The following LARS2 variants were observed in gnomAD, a reference collection of about 807,000 sequenced individuals.
The protein encoded by LARS2 is leucyl-tRNA synthetase 2, mitochondrial, also known as leucine--tRNA ligase, mitochondrial.
Under a neutral mutation model 116.6 loss-of-function variants are expected in LARS2, and 81 were observed. That is an observed-to-expected ratio of 0.69 (90% confidence interval 0.58 to 0.84). LARS2 has a LOEUF of 0.84. Ranked by LOEUF, LARS2 falls within the 40% of genes least tolerant of loss-of-function variation. The probability of loss-of-function intolerance (pLI) is 0.00; values close to 1 mark genes in which losing one functional copy is unlikely to be tolerated. For synonymous variants in LARS2, 396 were observed against 407.2 expected (o/e 0.97, Z 0.33); for missense variants, 968 against 1,114.5 (o/e 0.87, Z 1.87).
chr3:45,541,957 G>A lies in LARS2; in HGVS notation c.2532+1G>A. On this transcript the variant is annotated splice_donor_variant, in intron 21 of 21. Transcript: ENST00000645846. LOFTEE classifies it high-confidence loss of function. The stretch of plus-strand genomic sequence containing the variant: ...TGAGGTTGTCCAGATGGCAGTTCTG[G>A]TAAGTATCTCCCCTCAACCCCAGAA... 6.2e-7 allele frequency: 1 copy of A among 1,614,156 alleles called. No homozygotes were observed. Among genetic ancestry groups the A allele is most frequent in the Non-Finnish European group, 8.5e-7 (1 of 1,180,000 alleles).
intron 8 of LARS2, among the ~76,000 whole-genome samples, chr3:45,462,246 G>A (rs953153218): frequency 3.9e-5 from 6 of 152,092 alleles, no homozygotes; most frequent in Non-Finnish European, 5.9e-5. Flanking sequence ...ACCTTAAGGC[G>A]AGATGGTTGC....
At position 45,467,897 on chromosome 3, in the gene LARS2, G is replaced by C. The variant is rs1028452546; in HGVS notation, c.751-6346G>C. ...AGCCCAGGAGTTCAAGACCAGCCTGGGCAACTGGCAAACCTCATCTCTACA... is the reference window on the plus strand; with the variant it reads ...AGCCCAGGAGTTCAAGACCAGCCTGCGCAACTGGCAAACCTCATCTCTACA... On this transcript the variant is annotated intron_variant, in intron 8 of 21. Coordinates refer to ENST00000645846, the MANE Select transcript of LARS2 (RefSeq NM_015340.4). Among the ~76,000 whole-genome samples the C allele has an allele frequency of 1.2e-4, 19 of 152,110 alleles. No individual in the cohort carries two copies. In the South Asian group the frequency reaches 4.0e-3, roughly 32 times the overall value.
At chr3:45,424,478 A>G (rs368736186) in intron 6 of LARS2, among the ~76,000 whole-genome samples, 3 of 152,236 alleles carry the variant, frequency 2.0e-5, no homozygotes, top group Non-Finnish European at 4.4e-5. Flanking sequence ...ACCATTGTAC[A>G]TCACGGACTA....
At chr3:45,493,017 T>C (rs951584513) in intron 13 of LARS2, among the ~76,000 whole-genome samples, 11 of 152,176 alleles carry the variant, frequency 7.2e-5, no homozygotes, top group African/African-American at 2.4e-4. Flanking sequence ...TGTGGCCTTA[T>C]TGATGAGGAT....
intron 10 of LARS2, among the ~76,000 whole-genome samples, chr3:45,484,375 A>G (rs2125725617): frequency 6.6e-6 from 1 of 150,922 alleles, no homozygotes; most frequent in Non-Finnish European, 1.5e-5. Flanking sequence ...CTGGGACTTT[A>G]CTTAGGTCAT....
At chr3:45,545,906 T>G (rs545427156) in intron 21 of LARS2, among the ~76,000 whole-genome samples, 28 of 151,670 alleles carry the variant, frequency 1.8e-4, no homozygotes, top group African/African-American at 6.3e-4. Context: ...CTTAGTGAGC[T>G]GGTCCCTTTA....
intron 19 of LARS2, among the ~76,000 whole-genome samples, chr3:45,522,739 CA>C (rs1198212293): frequency 7.5e-5 from 11 of 145,898 alleles, no homozygotes; most frequent in South Asian, 4.3e-4. Context: ...GACTCTGTCT[CA>C]AAAAAAAAAG....
At chr3:45,408,053 A>G (rs991155774) in intron 4 of LARS2, among the ~76,000 whole-genome samples, 1 of 152,220 alleles carries the variant, frequency 6.6e-6, no homozygotes, top group African/African-American at 2.4e-5. Flanking sequence ...CCCTTTGGGC[A>G]CCCATTTCTA....
chr3:45,541,950 A>G lies in LARS2; in HGVS notation c.2526A>G (p.Ala842=), dbSNP rs371281186. Residue 842 remains alanine, a synonymous_variant, in exon 21 of 22, where the codon GCA becomes GCG. Coordinates refer to ENST00000645846, the MANE Select transcript of LARS2 (RefSeq NM_015340.4). Reference sequence around the variant, plus strand: ...AGCAGCCTGAGGTTGTCCAGATGGCAGTTCTGGTAAGTATCTCCCCTCAAC... The same window carrying G: ...AGCAGCCTGAGGTTGTCCAGATGGCGGTTCTGGTAAGTATCTCCCCTCAAC... ...FLQQPEVVQM[A]VLINNKACGK... is the part of the protein sequence containing the mutation. 1.2e-6 allele frequency: 2 copies of G among 1,614,080 alleles called. No individual in the cohort carries two copies. Among genetic ancestry groups the G allele is most frequent in the Non-Finnish European group, 1.7e-6 (2 of 1,180,030 alleles).
At chr3:45,478,436 A>G (rs1699649433) in intron 10 of LARS2, among the ~76,000 whole-genome samples, 1 of 152,240 alleles carries the variant, frequency 6.6e-6, no homozygotes, top group Admixed American at 6.5e-5. Context: ...TTAATGAGCT[A>G]ACAAATTATA....
intron 15 of LARS2, among the ~76,000 whole-genome samples, chr3:45,506,670 A>G (rs982402364): frequency 3.9e-5 from 6 of 152,054 alleles, no homozygotes; most frequent in African/African-American, 1.4e-4. Flanking sequence ...GTCCATGTTC[A>G]GTGGTGCCCC....
Position 45,515,956 on chromosome 3 carries a change from C to T in LARS2, c.1862-138C>T, listed in dbSNP as rs369985602. 14 of 615,926 alleles carry T rather than the reference C, an allele frequency of 2.3e-5. No individual in the cohort carries two copies. The South Asian group carries it at 2.8e-4, about 12-fold the overall frequency. 38.2% of individuals were successfully genotyped at this position (615,926 alleles called of 1,614,324 possible). On this transcript the variant is annotated intron_variant, in intron 16 of 21. Transcript: ENST00000645846. ...TATAACAATACAGAGGGAGAGAAAG[C>T]GGCTTGTTAAGTGAATTAGTGTGAT...
chr3:45,441,859 G>A (rs1317983523), intron 6 of LARS2, among the ~76,000 whole-genome samples: 1 of 152,126 alleles, frequency 6.6e-6, no homozygotes, highest in Non-Finnish European at 1.5e-5. Context: ...ATTGTGTGTT[G>A]GGCTCTGTGG....
intron 11 of LARS2, among the ~76,000 whole-genome samples, chr3:45,487,247 T>A (rs552058835): frequency 7.9e-5 from 12 of 152,368 alleles, no homozygotes; most frequent in African/African-American, 2.9e-4. Context: ...TTCTTGACTA[T>A]GAACACCTTT....
Position 45,547,543 on chromosome 3 carries a change from T to C in LARS2, c.*13T>C, listed in dbSNP as rs2125774541. 1 of 1,591,932 alleles carries C rather than the reference T, an allele frequency of 6.3e-7. No homozygotes were observed. The highest frequency in any genetic ancestry group is 2.2e-5 in the East Asian group (1 of 44,508). On this transcript the variant is annotated 3_prime_UTR_variant, in exon 22 of 22. Coordinates refer to ENST00000645846, the MANE Select transcript of LARS2 (RefSeq NM_015340.4). ...GGTGCAAGATTGACAGCCAGGAGGC[T>C]GCAGCTACCACGAGGGCCTCTGAGG...
chr3:45,492,275 T>C (rs1699933128), intron 13 of LARS2, among the ~76,000 whole-genome samples: 1 of 152,200 alleles, frequency 6.6e-6, no homozygotes. Flanking sequence ...AGGGCTGCAT[T>C]CTTTAATATG....
Position 45,520,306 on chromosome 3 carries a change from C to T in LARS2, c.2292+10C>T. On this transcript the variant is annotated intron_variant, in intron 19 of 21. Coordinates refer to ENST00000645846, the MANE Select transcript of LARS2 (RefSeq NM_015340.4). Reference sequence around the variant, plus strand: ...CAGCAATGCCCTCTCGGTAAGTGGCCTGTCCTCATTTGCTGGTAGCAGAGG... The same window carrying T: ...CAGCAATGCCCTCTCGGTAAGTGGCTTGTCCTCATTTGCTGGTAGCAGAGG... 1 of 1,608,206 alleles carries T rather than the reference C, an allele frequency of 6.2e-7. No homozygotes were observed. The highest frequency in any genetic ancestry group is 8.5e-7 in the Non-Finnish European group (1 of 1,174,754).
chr3:45,541,620 G>C lies in LARS2; in HGVS notation c.2405-209G>C. 8.8e-6 allele frequency: 5 copies of C among 565,978 alleles called. No individual in the cohort carries two copies. In the South Asian group the frequency reaches 9.6e-5, roughly 11 times the overall value. The allele number at this position is 565,978 out of a possible 1,614,324, so 35.1% of individuals were successfully genotyped here. ...TATCCATCCATCTTTACAGCTCTGC[G>C]TGCCATTTGTGAAAAACAAAAGCTA... On this transcript the variant is annotated intron_variant, in intron 20 of 21. Transcript: ENST00000645846.
chr3:45,400,020 C>T (rs1400769648), intron 3 of LARS2, among the ~76,000 whole-genome samples: 1 of 151,906 alleles, frequency 6.6e-6, no homozygotes, highest in African/African-American at 2.4e-5. Context: ...GGGTACTTAA[C>T]ACTTAGAGGT....
Sources: allele counts gnomAD v4.1 joint callset (sites outside exome capture counted in the v4.1 genomes callset), GRCh38; gene constraint gnomAD v4.1.1; transcripts MANE v1.5; gene names NCBI Gene and HGNC (gene_info 2026-07-23, HGNC 2026-07-21).